Variants in PLPP4 observed in about 807,000 individuals in gnomAD.
PLPP4 encodes phospholipid phosphatase 4.
PLPP4 carries 20 observed loss-of-function variants against 32.2 expected under a neutral mutation model. That is an observed-to-expected ratio of 0.62 (90% CI 0.44 to 0.90). The LOEUF (loss-of-function observed/expected upper bound fraction) is 0.90. Among genes scored for constraint, PLPP4 ranks in the 40% least tolerant of loss-of-function variants. The probability of loss-of-function intolerance (pLI) is 0.00; values close to 1 mark genes in which losing one functional copy is unlikely to be tolerated. For missense variants in PLPP4, 257 were observed against 353.1 expected, an observed-to-expected ratio of 0.73 and a Z score of 2.18; for synonymous variants, 127 against 133.0, an observed-to-expected ratio of 0.95 and a Z score of 0.31.
At chr10:120,482,423 G>T (rs1228315294) in intron 1 of PLPP4, among the ~76,000 whole-genome samples, 5 of 152,182 alleles carry the variant, frequency 3.3e-5, no homozygotes, top group African/African-American at 1.2e-4. Context: ...GAGGCATTTT[G>T]CCCCTGCCCT....
intron 6 of PLPP4, chr10:120,581,061 C>G (rs2134072033): frequency 1.6e-6 from 2 of 1,283,408 alleles, no homozygotes; most frequent in African/African-American, 1.5e-5. Flanking sequence ...CTCACCCCTC[C>G]CTCCGGTCAA....
At chr10:120,512,721 G>T (rs1404946729) in intron 2 of PLPP4, among the ~76,000 whole-genome samples, 1 of 152,190 alleles carries the variant, frequency 6.6e-6, no homozygotes, top group Non-Finnish European at 1.5e-5. Flanking sequence ...GCTGAGGCAG[G>T]AGAATTGCTT....
intron 1 of PLPP4, among the ~76,000 whole-genome samples, chr10:120,478,924 G>A (rs778935735): frequency 6.6e-6 from 1 of 152,188 alleles, no homozygotes; most frequent in Non-Finnish European, 1.5e-5. Context: ...CCTGGATAAG[G>A]AAATTCTGAG....
chr10:120,469,228 T>C lies in PLPP4; in HGVS notation c.56+11867T>C, dbSNP rs1274390772. Among the ~76,000 whole-genome samples, 2 of 23,698 alleles carry C rather than the reference T, an allele frequency of 8.4e-5. 1 individual carries two copies. The highest frequency in any genetic ancestry group is 3.0e-4 in the Non-Finnish European group (2 of 6,676). The allele number at this position is 23,698 out of a possible 152,430, so 15.5% of individuals were successfully genotyped here. On this transcript the variant is annotated intron_variant, in intron 1 of 6. Transcript: ENST00000398250. ...CAAAAATATACCTCGGAACTGCAAC[T>C]TTTTTTTTTTTTTTTTTGAGACAGA...
intron 5 of PLPP4, among the ~76,000 whole-genome samples, chr10:120,522,105 G>T (rs966494174): frequency 2.6e-5 from 4 of 152,136 alleles, no homozygotes; most frequent in Non-Finnish European, 5.9e-5. Context: ...ATGGTCACAG[G>T]TGACCATCTT....
chr10:120,534,422 T>G (rs1564822549), intron 5 of PLPP4, among the ~76,000 whole-genome samples: 4 of 152,122 alleles, frequency 2.6e-5, no homozygotes. Context: ...TGTATGTGGA[T>G]CTTTTTGTGT....
At chr10:120,530,207 A>G (rs1846637158) in intron 5 of PLPP4, among the ~76,000 whole-genome samples, 1 of 152,218 alleles carries the variant, frequency 6.6e-6, no homozygotes, top group South Asian at 2.1e-4. Context: ...TTACAAATGG[A>G]CATACTGTAT....
chr10:120,568,905 G>T (rs1848805186), intron 5 of PLPP4, among the ~76,000 whole-genome samples: 1 of 152,128 alleles, frequency 6.6e-6, no homozygotes, highest in Non-Finnish European at 1.5e-5. Flanking sequence ...AGGAGTGTGG[G>T]GTGGACAGTG....
At chr10:120,528,881 ATATAT>A (rs1054971177) in intron 5 of PLPP4, among the ~76,000 whole-genome samples, 18 of 152,052 alleles carry the variant, frequency 1.2e-4, no homozygotes, top group African/African-American at 4.3e-4. Flanking sequence ...AATGCTGCAG[ATATAT>A]TGTATATCTG....
At chr10:120,486,687 C>A (rs954175191) in intron 1 of PLPP4, among the ~76,000 whole-genome samples, 1 of 152,176 alleles carries the variant, frequency 6.6e-6, no homozygotes. Context: ...ACGTTTTTGC[C>A]ATTGCTTATT....
chr10:120,554,236 C>T (rs902863688), intron 5 of PLPP4, among the ~76,000 whole-genome samples: 5 of 152,106 alleles, frequency 3.3e-5, no homozygotes, highest in African/African-American at 7.2e-5. Flanking sequence ...TTCAAAGTTC[C>T]GCAGATCCCT....
chr10:120,531,873 T>TACACACACTAC (rs1846746448), intron 5 of PLPP4, among the ~76,000 whole-genome samples: 1 of 148,258 alleles, frequency 6.7e-6, no homozygotes, highest in South Asian at 2.2e-4. Context: ...CTACACACAC[T>TACACACACTAC]ACACACACAC....
At chr10:120,545,667 G>A (rs566560198) in intron 5 of PLPP4, among the ~76,000 whole-genome samples, 2 of 152,298 alleles carry the variant, frequency 1.3e-5, no homozygotes, top group Non-Finnish European at 2.9e-5. Flanking sequence ...CCCTGGAAGT[G>A]GCAATGCAGC....
intron 5 of PLPP4, among the ~76,000 whole-genome samples, chr10:120,574,213 C>CTG (rs1849104274): frequency 7.1e-6 from 1 of 139,914 alleles, no homozygotes; most frequent in Non-Finnish European, 1.5e-5. Context: ...CTCTCTCTCT[C>CTG]TCTCTCTCTC....
At chr10:120,585,123 C>T (rs1161685678) in intron 6 of PLPP4, among the ~76,000 whole-genome samples, 1 of 152,162 alleles carries the variant, frequency 6.6e-6, no homozygotes, top group Non-Finnish European at 1.5e-5. Context: ...ATAGAAATAC[C>T]TCATGGGACT....
rs567850999 is a variant in PLPP4 at position 120,544,205 on chromosome 10, G to A, written c.445+23110G>A. ...AGGAACCACTATACTGCTTTCCACC[G>A]CAGCTGCATCATTTTACATTTCCAC... On this transcript the variant is annotated intron_variant, in intron 5 of 6. Transcript: ENST00000398250. Among the ~76,000 whole-genome samples, 88 of 152,236 alleles carry A rather than the reference G, an allele frequency of 5.8e-4. 1 individual carries two copies. The highest frequency in any genetic ancestry group is 5.4e-3 in the South Asian group (26 of 4,826).
chr10:120,581,056 C>T (rs1849485937), intron 6 of PLPP4: 1 of 1,284,536 alleles, frequency 7.8e-7, no homozygotes, highest in African/African-American at 1.5e-5. Context: ...CCTGGCTCAC[C>T]CCTCCCTCCG....
At chr10:120,530,904 T>C (rs1045901323) in intron 5 of PLPP4, among the ~76,000 whole-genome samples, 2 of 152,210 alleles carry the variant, frequency 1.3e-5, no homozygotes, top group African/African-American at 4.8e-5. Flanking sequence ...TGATGACTAA[T>C]GTTGCTGTGC....
chr10:120,537,786 A>T (rs371041235), intron 5 of PLPP4, among the ~76,000 whole-genome samples: 1 of 152,092 alleles, frequency 6.6e-6, no homozygotes, highest in Non-Finnish European at 1.5e-5. Context: ...AAAATATCAC[A>T]TCGTATGCTT....
Sources: gnomAD v4.1 joint callset for allele counts (sites outside exome capture counted in the v4.1 genomes callset) on GRCh38, gnomAD v4.1.1 for gene constraint, MANE v1.5 for transcripts, NCBI Gene and HGNC (gene_info 2026-07-23, HGNC 2026-07-21) for gene names.